The following AACS variants were observed in gnomAD, a reference collection of about 807,000 sequenced individuals.
AACS encodes acetoacetyl-CoA synthetase, also known as acetoacetate-CoA ligase.
In AACS, 69 loss-of-function variants were observed where a neutral mutation model predicts 83.1. That is an observed-to-expected ratio of 0.83 (90% confidence interval 0.68 to 1.01). The LOEUF is 1.01. Among genes scored for constraint, AACS ranks in the 50% least tolerant of loss-of-function variants. The pLI, the probability that AACS is intolerant of heterozygous loss-of-function variation, is 0.00. For synonymous variants in AACS, 333 were observed against 343.4 expected (o/e 0.97, Z 0.33); for missense variants, 866 against 882.2 (o/e 0.98, Z 0.23).
intron 10 of AACS, chr12:125,123,057 A>G (rs59644141): frequency 0.032 from 4,939 of 152,354 alleles, 153 homozygotes; most frequent in East Asian, 0.095. Flanking sequence ...GCCGGAGAGC[A>G]TCACCTCTGA....
chr12:125,078,127 G>A (rs1956076397), intron 3 of AACS: 1 of 456,138 alleles, frequency 2.2e-6, no homozygotes, highest in Non-Finnish European at 4.4e-6. Context: ...ACTGGAAACA[G>A]GCAGTGAGTG....
intron 12 of AACS, 36 bp downstream of exon 12, chr12:125,125,060 C>T: frequency 1.2e-6 from 2 of 1,613,256 alleles, no homozygotes; most frequent in Non-Finnish European, 1.7e-6. Context: ...TCCAGCCATC[C>T]CCGCCGGCCC....
intron 15 of AACS, among the ~76,000 whole-genome samples, 198 bp downstream of exon 15, chr12:125,134,270 T>C (rs1238476854): frequency 1.3e-5 from 2 of 152,194 alleles, no homozygotes; most frequent in Non-Finnish European, 2.9e-5. Context: ...TGGTGCGCCA[T>C]GTTTCCCCAC....
chr12:125,123,829 A>T (rs892825402), intron 10 of AACS: 1 of 152,240 alleles, frequency 6.6e-6, no homozygotes, highest in African/African-American at 2.4e-5. Context: ...TGGCTGGAGG[A>T]AAAGCTGAGG....
At chr12:125,077,972 A>T (rs1956071315) in intron 3 of AACS, 1 of 367,228 alleles carries the variant, frequency 2.7e-6, no homozygotes, top group African/African-American at 2.1e-5. Flanking sequence ...GGCCTCCTAA[A>T]GTGCTGGGAT....
chr12:125,079,034 G>C (rs1051828116), intron 3 of AACS, among the ~76,000 whole-genome samples: 1 of 152,120 alleles, frequency 6.6e-6, no homozygotes, highest in Non-Finnish European at 1.5e-5. Context: ...AGCCTGTTTG[G>C]AGGAGTCTAC....
In AACS at chr12:125,112,104, T is replaced by G. The variant is rs111464301; in HGVS notation, c.916-2373T>G. 8.2e-4 allele frequency among the ~76,000 whole-genome samples: 125 copies of G among 152,318 alleles called. 1 individual carries two copies. The highest frequency in any genetic ancestry group is 3.4e-3 in the Middle Eastern group (1 of 292). On this transcript the variant is annotated intron_variant, in intron 8 of 17. Transcript: ENST00000316519. ...CCTAGAATCCGAGTTCCCTGTCCTTTAAGTGGATTCGTGGAAAGATTTAGT... is the reference window on the plus strand; with the variant it reads ...CCTAGAATCCGAGTTCCCTGTCCTTGAAGTGGATTCGTGGAAAGATTTAGT...
At chr12:125,077,956 C>T (rs551811221) in intron 3 of AACS, 8 of 359,890 alleles carry the variant, frequency 2.2e-5, no homozygotes, top group South Asian at 6.3e-5. Context: ...TGATTCCCCC[C>T]GCCTCGGCCT....
intron 17 of AACS, among the ~76,000 whole-genome samples, chr12:125,137,933 T>A (rs1957422832): frequency 6.6e-6 from 1 of 152,232 alleles, no homozygotes; most frequent in Non-Finnish European, 1.5e-5. Context: ...AGACAGGATT[T>A]ACCAGGAGAG....
chr12:125,132,144 C>T (rs975691823), intron 14 of AACS, among the ~76,000 whole-genome samples: 1 of 152,234 alleles, frequency 6.6e-6, no homozygotes, highest in Non-Finnish European at 1.5e-5. Flanking sequence ...TCTGCGGCTT[C>T]GTTTTGCCAT....
At chr12:125,136,957 C>T in intron 17 of AACS, 93 bp downstream of exon 17, 1 of 1,320,142 alleles carries the variant, frequency 7.6e-7, no homozygotes, top group Non-Finnish European at 1.0e-6. Context: ...CTTGCCGGTG[C>T]TTTATATATC....
intron 17 of AACS, chr12:125,139,314 C>G (rs1015328521): frequency 4.9e-4 from 75 of 152,342 alleles, no homozygotes; most frequent in African/African-American, 1.8e-3. Context: ...GTGAGCGGCC[C>G]CGGGGGACTG....
chr12:125,079,609 G>A (rs193046820), intron 3 of AACS, among the ~76,000 whole-genome samples: 99 of 151,974 alleles, frequency 6.5e-4, no homozygotes, highest in African/African-American at 1.6e-3. Flanking sequence ...GGCTGGTCTC[G>A]AACTCCTGGG....
chr12:125,133,297 G>A (rs1000255477), intron 14 of AACS, among the ~76,000 whole-genome samples: 5 of 152,196 alleles, frequency 3.3e-5, no homozygotes, highest in Non-Finnish European at 5.9e-5. Flanking sequence ...TCTCCTTAGA[G>A]GCGGCATCCA....
chr12:125,092,159 A>G (rs1477789291), intron 5 of AACS, among the ~76,000 whole-genome samples: 4 of 151,638 alleles, frequency 2.6e-5, no homozygotes, highest in Admixed American at 2.6e-4. Flanking sequence ...TGGGGCCCCC[A>G]CTCCCCAGCC....
At position 125,094,117 on chromosome 12, in the gene AACS, C is replaced by T. The variant is rs367948769; in HGVS notation, c.570+2594C>T. 6.6e-5 allele frequency among the ~76,000 whole-genome samples: 10 copies of T among 152,288 alleles called. No homozygotes were observed. Among genetic ancestry groups the T allele is most frequent in the African/African-American group, 2.4e-4 (10 of 41,558 alleles). ...TAACAGGGATGAATTCCTGGAGTTGCTGATGAGGTGGGGCTGGAACTGAGC... is the reference window on the plus strand; with the variant it reads ...TAACAGGGATGAATTCCTGGAGTTGTTGATGAGGTGGGGCTGGAACTGAGC... On this transcript the variant is annotated intron_variant, in intron 5 of 17. Coordinates refer to ENST00000316519, the MANE Select transcript of AACS (RefSeq NM_023928.5). This position sits in a 1 kb window ranked among gnomAD's most constrained non-coding sequence, Gnocchi z 4.1.
At position 125,114,459 on chromosome 12, in the gene AACS, C is replaced by T. The variant is rs1246003461; in HGVS notation, c.916-18C>T. The stretch of plus-strand genomic sequence containing the variant: ...ATGCCTAACAGAGAGCACCCGCTCC[C>T]CCGTGTCTCCCCTGCAGGGCACCCT... On this transcript the variant is annotated intron_variant, in intron 8 of 17. Transcript: ENST00000316519. The T allele has an allele frequency of 6.2e-7, 1 of 1,610,882 alleles. No homozygotes were observed. Among genetic ancestry groups the T allele is most frequent in the African/African-American group, 1.3e-5 (1 of 74,940 alleles).
At chr12:125,096,283 G>A (rs1375290476) in intron 5 of AACS, among the ~76,000 whole-genome samples, 1 of 152,270 alleles carries the variant, frequency 6.6e-6, no homozygotes, top group Admixed American at 6.5e-5. Context: ...AGGGCAGTAA[G>A]TGCTTCTAAT....
intron 9 of AACS, chr12:125,118,100 G>A (rs1397349131): frequency 2.6e-5 from 4 of 153,008 alleles, no homozygotes; most frequent in Non-Finnish European, 5.8e-5. Flanking sequence ...TCCAGGGGAC[G>A]CTGGTTTTGG....
Sources: gnomAD v4.1 joint callset for allele counts (sites outside exome capture counted in the v4.1 genomes callset) on GRCh38, gnomAD v4.1.1 for gene constraint, Gnocchi (gnomAD v3.1) non-coding constraint, MANE v1.5 for transcripts, NCBI Gene and HGNC (gene_info 2026-07-23, HGNC 2026-07-21) for gene names.